Variants in CEACAM3 observed in about 807,000 individuals in gnomAD.
The protein encoded by CEACAM3 is cell adhesion molecule CEACAM3.
CEACAM3 carries 32 observed loss-of-function variants against 30.1 expected under a neutral mutation model. The observed-to-expected ratio is 1.06, with a 90% CI of 0.80 to 1.43. The LOEUF is 1.43. Ranked by LOEUF, CEACAM3 falls within the 40% of genes most tolerant of loss-of-function variation. CEACAM3 has a pLI of 0.00. For missense variants in CEACAM3, 290 were observed against 316.3 expected, an observed-to-expected ratio of 0.92 and a Z score of 0.63; for synonymous variants, 134 against 127.2, an observed-to-expected ratio of 1.05 and a Z score of -0.36.
intron 2 of CEACAM3, among the ~76,000 whole-genome samples, chr19:41,804,562 G>C (rs180936030): frequency 2.6e-5 from 4 of 152,198 alleles, no homozygotes; most frequent in Non-Finnish European, 2.9e-5. Context: ...TTTCTTTTCT[G>C]TGTATTATTG....
chr19:41,800,339 T>G (rs947240116), intron 2 of CEACAM3, among the ~76,000 whole-genome samples: 1 of 152,156 alleles, frequency 6.6e-6, no homozygotes, highest in Admixed American at 6.5e-5. Context: ...AGACGCCCGT[T>G]GCCAGGCAGA....
intron 3 of CEACAM3, 187 bp from the exon 4 acceptor site, chr19:41,809,778 C>T: frequency 1.5e-6 from 1 of 652,872 alleles, no homozygotes; most frequent in Non-Finnish European, 2.8e-6. Flanking sequence ...CTGCTCAGGA[C>T]AGATGTGGGT....
Position 41,808,836 on chromosome 19 carries a change from G to T in CEACAM3, c.448G>T (p.Val150Leu). The T allele has an allele frequency of 6.2e-7, 1 of 1,612,496 alleles. No homozygotes were observed. Among genetic ancestry groups the T allele is most frequent in the Non-Finnish European group, 8.5e-7 (1 of 1,179,124 alleles). ...AGAAGAAAATGCCCCAGGCCTTCCT[G>T]TGGGGGCCGTCGCCGGCATCGTGAC... The part of the protein sequence containing the change: ...VYQENAPGLP[V>L]GAVAGIVTGV... The change falls in exon 3 of 7, where the codon GTG (valine) becomes TTG (leucine). Residue 150 changes from valine to leucine, a missense_variant. Transcript: ENST00000357396.
At chr19:41,803,525 G>A (rs1238857655) in intron 2 of CEACAM3, among the ~76,000 whole-genome samples, 1 of 150,360 alleles carries the variant, frequency 6.7e-6, no homozygotes, top group African/African-American at 2.5e-5. Flanking sequence ...GGAGTGAAGT[G>A]ATGCTATCTC....
chr19:41,805,999 TTGTTGTTTGTTGTTG>T (rs2073195894), intron 2 of CEACAM3, among the ~76,000 whole-genome samples: 1 of 147,220 alleles, frequency 6.8e-6, no homozygotes, highest in Admixed American at 6.7e-5. Flanking sequence ...CTTCCTGTTG[TTGTTGTTTGTTGTTG>T]TTGTTGTTGT....
rs1336878710 is a variant in CEACAM3, at chr19:41,797,810, A to G, written c.286A>G (p.Ser96Gly). 8.7e-6 allele frequency: 14 copies of G among 1,612,592 alleles called. No individual in the cohort carries two copies. Among genetic ancestry groups the G allele is most frequent in the Non-Finnish European group, 1.0e-5 (12 of 1,180,030 alleles). ...TQQATPGAAY[S>G]GRETIYTNAS... Reference sequence around the variant, plus strand: ...ACAAGCTACCCCAGGGGCCGCATACAGCGGTCGAGAGACAATATACACCAA... The same window carrying G: ...ACAAGCTACCCCAGGGGCCGCATACGGCGGTCGAGAGACAATATACACCAA... The change falls in exon 2 of 7, where the codon AGC (serine) becomes GGC (glycine). Residue 96 changes from serine to glycine, a missense_variant. Physicochemically the swap from Ser to Gly is moderately conservative, Grantham distance 56. Coordinates refer to ENST00000357396, the MANE Select transcript of CEACAM3 (RefSeq NM_001815.5).
At chr19:41,799,630 C>T (rs1555825752) in intron 2 of CEACAM3, among the ~76,000 whole-genome samples, 2 of 152,236 alleles carry the variant, frequency 1.3e-5, no homozygotes, top group Middle Eastern at 3.4e-3. Context: ...TGCCCTCACT[C>T]GACCTGAAAT....
At chr19:41,805,285 CTT>C (rs782317671) in intron 2 of CEACAM3, among the ~76,000 whole-genome samples, 2,991 of 104,940 alleles carry the variant, frequency 0.029, 103 homozygotes, top group African/African-American at 0.094. Context: ...CTTTTTTCTT[CTT>C]TTTTTTTTTT....
chr19:41,809,278 T>C (rs1286452312), intron 3 of CEACAM3: 1 of 257,270 alleles, frequency 3.9e-6, no homozygotes, highest in Non-Finnish European at 7.4e-6. Context: ...CCTCCCATTG[T>C]TCATTGAATC....
At chr19:41,805,531 C>T (rs1233198467) in intron 2 of CEACAM3, among the ~76,000 whole-genome samples, 7 of 151,940 alleles carry the variant, frequency 4.6e-5, no homozygotes, top group South Asian at 2.1e-4. Flanking sequence ...TCAGGTGATC[C>T]GCCCGCCTCA....
At chr19:41,808,755 G>A in intron 2 of CEACAM3, 58 bp from the exon 3 acceptor site, 2 of 1,418,014 alleles carry the variant, frequency 1.4e-6, no homozygotes, top group South Asian at 1.2e-5. Context: ...CAAGGCCCCT[G>A]TGGTTTCCTC....
chr19:41,810,086 A>G (rs544886490), intron 4 of CEACAM3, 69 bp downstream of exon 4: 39 of 1,473,108 alleles, frequency 2.6e-5, no homozygotes, highest in Non-Finnish European at 3.7e-5. Flanking sequence ...CGCTCCTGCC[A>G]GTCACTGCCA....
At chr19:41,796,804 T>G in intron 1 of CEACAM3, 63 bp downstream of exon 1, 1 of 1,530,216 alleles carries the variant, frequency 6.5e-7, no homozygotes, top group Middle Eastern at 1.7e-4. Context: ...TGGGGTCTCC[T>G]GGGGAGGATG....
intron 5 of CEACAM3, 122 bp from the exon 6 acceptor site, chr19:41,810,710 G>T (rs1568744608): frequency 4.3e-6 from 4 of 929,848 alleles, no homozygotes; most frequent in South Asian, 1.4e-5. Context: ...TGAGCTCAGG[G>T]GCAGAGCTGG....
chr19:41,802,504 A>G (rs7251783), intron 2 of CEACAM3, among the ~76,000 whole-genome samples: 74,624 of 152,024 alleles, frequency 0.49, 21,202 homozygotes, highest in Middle Eastern at 0.73. Context: ...CGCTGGGGTC[A>G]GAAATCTGAA....
intron 2 of CEACAM3, among the ~76,000 whole-genome samples, chr19:41,800,541 T>A (rs1037301151): frequency 6.6e-6 from 1 of 152,166 alleles, no homozygotes; most frequent in Admixed American, 6.5e-5. Flanking sequence ...ATGCTGTGCT[T>A]CAGTGGTCAC....
intron 2 of CEACAM3, among the ~76,000 whole-genome samples, chr19:41,804,946 C>A (rs1263731159): frequency 2.6e-5 from 4 of 151,796 alleles, no homozygotes; most frequent in Admixed American, 6.6e-5. Context: ...ATCCAAAAAT[C>A]CAAAATACAA....
intron 2 of CEACAM3, among the ~76,000 whole-genome samples, chr19:41,801,011 C>T (rs550075452): frequency 1.3e-5 from 2 of 152,080 alleles, no homozygotes; most frequent in Non-Finnish European, 2.9e-5. Context: ...CTAGAATAAC[C>T]AGGGGTCTCC....
At chr19:41,806,912 C>T (rs2073205059) in intron 2 of CEACAM3, among the ~76,000 whole-genome samples, 1 of 152,212 alleles carries the variant, frequency 6.6e-6, no homozygotes, top group Non-Finnish European at 1.5e-5. Context: ...TGGTCTCGAT[C>T]TCGTGACCTC....
Sources: allele counts gnomAD v4.1 joint callset (sites outside exome capture counted in the v4.1 genomes callset), GRCh38; gene constraint gnomAD v4.1.1; transcripts MANE v1.5; gene names NCBI Gene and HGNC (gene_info 2026-07-23, HGNC 2026-07-21).